The following ACSBG1 variants were observed in gnomAD, a reference collection of about 807,000 sequenced individuals.
ACSBG1 encodes acyl-CoA synthetase bubblegum family member 1.
A neutral mutation model predicts 80.2 loss-of-function variants in ACSBG1; 39 were observed. The observed-to-expected ratio is 0.49, with a 90% CI of 0.38 to 0.64. The LOEUF (loss-of-function observed/expected upper bound fraction) is 0.64. Among genes scored for constraint, ACSBG1 ranks in the 30% least tolerant of loss-of-function variants. The pLI, the probability that ACSBG1 is intolerant of heterozygous loss-of-function variation, is 0.00. For missense variants in ACSBG1, 828 were observed against 966.4 expected (o/e 0.86, Z 1.90); for synonymous variants, 392 against 379.5 (o/e 1.03, Z -0.38).
intron 1 of ACSBG1, among the ~76,000 whole-genome samples, chr15:78,221,714 G>A (rs962344740): frequency 1.3e-5 from 2 of 152,130 alleles, no homozygotes; most frequent in African/African-American, 4.8e-5. Context: ...CAATACCCAG[G>A]CTTTCTTGGG....
At chr15:78,195,223 C>G (rs1256340673) in intron 2 of ACSBG1, among the ~76,000 whole-genome samples, 1 of 152,180 alleles carries the variant, frequency 6.6e-6, no homozygotes, top group Non-Finnish European at 1.5e-5. Context: ...CCTGAAGTCT[C>G]CCAGTCTCAG....
chr15:78,189,345 C>G (rs2075035721), intron 5 of ACSBG1, among the ~76,000 whole-genome samples: 1 of 151,670 alleles, frequency 6.6e-6, no homozygotes, highest in Non-Finnish European at 1.5e-5. Context: ...GACTATAAAT[C>G]ATACTGCTAT....
intron 1 of ACSBG1, among the ~76,000 whole-genome samples, chr15:78,229,074 C>CT (rs3973561): frequency 8.6e-4 from 126 of 146,942 alleles, no homozygotes; most frequent in African/African-American, 3.0e-3. Flanking sequence ...ATTATATTCC[C>CT]TTTTTTTTTT....
chr15:78,201,505 C>G lies in ACSBG1; in HGVS notation c.232+6497G>C, dbSNP rs2141358846. Among the ~76,000 whole-genome samples, 2 of 152,392 alleles carry G rather than the reference C, an allele frequency of 1.3e-5. 1 individual carries two copies. The highest frequency in any genetic ancestry group is 4.1e-4 in the South Asian group (2 of 4,832). ...AGACTTAGGTAGGGCCTGCCCTGCT[C>G]ATTGTCCTTCTGACCTGGGCCCACC... On this transcript the variant is annotated intron_variant, in intron 2 of 13. Transcript: ENST00000258873.
At chr15:78,199,658 CTTT>C (rs1221257567) in intron 2 of ACSBG1, among the ~76,000 whole-genome samples, 1 of 138,282 alleles carries the variant, frequency 7.2e-6, no homozygotes, top group Non-Finnish European at 1.6e-5. Context: ...CCATTCCCAG[CTTT>C]TTTTTTTTTT....
chr15:78,202,829 G>A (rs1024786692), intron 2 of ACSBG1, among the ~76,000 whole-genome samples: 1 of 152,104 alleles, frequency 6.6e-6, no homozygotes, highest in African/African-American at 2.4e-5. Flanking sequence ...AGCAATCAGA[G>A]ACATGTACAG....
chr15:78,220,893 G>A lies in ACSBG1; in HGVS notation c.132-12791C>T, dbSNP rs189861730. On this transcript the variant is annotated intron_variant, in intron 1 of 13. Transcript: ENST00000258873. ...TGCAGATACTTTGGAATACCATCTG[G>A]CAGTTCCTCAAAAGGTTATACATAG... Among the ~76,000 whole-genome samples the A allele has an allele frequency of 1.8e-3, 279 of 152,288 alleles. 2 individuals carry two copies. The highest frequency in any genetic ancestry group is 6.5e-3 in the African/African-American group (270 of 41,556).
intron 1 of ACSBG1, among the ~76,000 whole-genome samples, chr15:78,232,941 A>G (rs2075459711): frequency 1.3e-5 from 2 of 152,176 alleles, no homozygotes; most frequent in African/African-American, 4.8e-5. Context: ...TCAGCCTCCC[A>G]AAGTGCTGGG....
chr15:78,176,527 C>T (rs559711285), intron 11 of ACSBG1, among the ~76,000 whole-genome samples: 12 of 151,770 alleles, frequency 7.9e-5, no homozygotes, highest in African/African-American at 2.7e-4. Context: ...AAAAATTTTG[C>T]GGCAACATCT....
At chr15:78,182,440 C>T in intron 7 of ACSBG1, 26 bp downstream of exon 7, 2 of 1,611,934 alleles carry the variant, frequency 1.2e-6, no homozygotes, top group Non-Finnish European at 8.5e-7. Flanking sequence ...TTGCACCCCC[C>T]CCACCCCACC....
intron 8 of ACSBG1, among the ~76,000 whole-genome samples, chr15:78,181,301 C>T (rs1441953030): frequency 2.6e-5 from 4 of 151,974 alleles, no homozygotes; most frequent in Admixed American, 2.0e-4. Flanking sequence ...GGGAAACTTG[C>T]TGGGGGGTTT....
intron 5 of ACSBG1, among the ~76,000 whole-genome samples, chr15:78,185,199 G>A (rs775648725): frequency 6.6e-6 from 1 of 152,188 alleles, no homozygotes; most frequent in African/African-American, 2.4e-5. Context: ...ACTATATAGA[G>A]AAAGAGTTCT....
rs1283213357 is a variant in ACSBG1 at position 78,177,450 on chromosome 15, C to T, written c.1702+1164G>A. ...ATTTGGACCCTTACCTCTCACTATA[C>T]TAGTTCTAAAAGGAGGGCCGGCTCT... is the stretch of plus-strand genomic sequence containing the variant. On this transcript the variant is annotated intron_variant, in intron 11 of 13. Transcript: ENST00000258873. This position sits in a 1 kb window ranked among gnomAD's most constrained non-coding sequence, Gnocchi z 4.1. Among the ~76,000 whole-genome samples, 3 of 152,214 alleles carry T rather than the reference C, an allele frequency of 2.0e-5. No individual in the cohort carries two copies. Among genetic ancestry groups the T allele is most frequent in the Non-Finnish European group, 4.4e-5 (3 of 68,042 alleles).
intron 2 of ACSBG1, among the ~76,000 whole-genome samples, chr15:78,199,400 G>A (rs1489631839): frequency 6.7e-6 from 1 of 149,106 alleles, no homozygotes; most frequent in South Asian, 2.3e-4. Context: ...TTTCTATTAC[G>A]CAAAAAACTA....
chr15:78,186,078 T>C (rs934653441), intron 5 of ACSBG1, among the ~76,000 whole-genome samples: 1 of 152,232 alleles, frequency 6.6e-6, no homozygotes, highest in Non-Finnish European at 1.5e-5. Context: ...TGCTCCTGTA[T>C]TGGGTGCATA....
At chr15:78,197,719 TAAAAA>T (rs746712543) in intron 2 of ACSBG1, among the ~76,000 whole-genome samples, 1 of 103,368 alleles carries the variant, frequency 9.7e-6, no homozygotes, top group Non-Finnish European at 1.9e-5. Context: ...ACTCTGTCTT[TAAAAA>T]AAAAAAAAAA....
At chr15:78,197,409 A>G (rs1256369918) in intron 2 of ACSBG1, among the ~76,000 whole-genome samples, 1 of 152,172 alleles carries the variant, frequency 6.6e-6, no homozygotes, top group Admixed American at 6.5e-5. Flanking sequence ...TTATAGCTCA[A>G]TAAAGCTACT....
chr15:78,214,913 T>C, intron 1 of ACSBG1, among the ~76,000 whole-genome samples: 1 of 152,144 alleles, frequency 6.6e-6, no homozygotes, highest in Non-Finnish European at 1.5e-5. Flanking sequence ...TCACCAAATT[T>C]CAATTACATC....
chr15:78,181,979 T>A lies in ACSBG1; in HGVS notation c.1061A>T (p.Asp354Val). 6.2e-7 allele frequency: 1 copy of A among 1,613,778 alleles called. No individual in the cohort carries two copies. Among genetic ancestry groups the A allele is most frequent in the Non-Finnish European group, 8.5e-7 (1 of 1,179,870 alleles). Residue 354 changes from aspartate to valine, a missense_variant, in exon 8 of 14, where the codon GAC (aspartate) becomes GTC (valine). Physicochemically the swap from Asp to Val is radical, Grantham distance 152. Coordinates refer to ENST00000258873, the MANE Select transcript of ACSBG1 (RefSeq NM_015162.5). ...TAAAGGCAGACTGACCTTCAGGGCG[T>A]CGGGTTCGGCAAAGCAAACCTGGGC... ...WGAQVCFAEP[D>V]ALKGSLVNTL...
Sources: allele counts gnomAD v4.1 joint callset (sites outside exome capture counted in the v4.1 genomes callset), GRCh38; gene constraint gnomAD v4.1.1; non-coding constraint Gnocchi (gnomAD v3.1); transcripts MANE v1.5; gene names NCBI Gene and HGNC (gene_info 2026-07-23, HGNC 2026-07-21).